UPB1: variants seen among roughly 807,000 people sequenced by gnomAD.
UPB1 encodes the protein beta-ureidopropionase.
UPB1 carries 40 observed loss-of-function variants against 49.1 expected under a neutral mutation model. The ratio of observed to expected loss-of-function variants is 0.81; its 90% CI spans 0.63 to 1.06. UPB1 has a LOEUF of 1.06. Ranked by LOEUF, UPB1 falls within the 50% of genes least tolerant of loss-of-function variation. The probability of loss-of-function intolerance (pLI) is 0.00; values close to 1 mark genes in which losing one functional copy is unlikely to be tolerated. For missense variants in UPB1, 499 were observed against 505.9 expected, an observed-to-expected ratio of 0.99 and a Z score of 0.13; for synonymous variants, 207 against 198.2, an observed-to-expected ratio of 1.04 and a Z score of -0.38.
rs2044368679 is a variant in UPB1, at chr22:24,520,449, C to T, written c.854C>T (p.Ala285Val). The T allele has an allele frequency of 6.2e-7, 1 of 1,614,006 alleles. No individual in the cohort carries two copies. The highest frequency in any genetic ancestry group is 1.7e-5 in the Admixed American group (1 of 60,002). Residue 285 changes from alanine (A) to valine (V), a missense_variant, in exon 7 of 10, where the codon GCC (alanine) becomes GTC (valine). Transcript: ENST00000326010. ...ATTGCCAATCACTGCTTCACCTGCG[C>T]CATCAATCGAGTGGGCACCGTAAGT... is the stretch of plus-strand genomic sequence containing the variant. Reference protein sequence around the residue: ...AAIANHCFTCAINRVGTEHFP... With the variant: ...AAIANHCFTCVINRVGTEHFP...
At chr22:24,502,352 AC>A in intron 3 of UPB1, 139 bp downstream of exon 3, 1 of 935,528 alleles carries the variant, frequency 1.1e-6, no homozygotes, top group Non-Finnish European at 1.8e-6. Flanking sequence ...CGTCCACATC[AC>A]CAGGAACCCC....
intron 3 of UPB1, chr22:24,503,424 ATAC>A (rs1300090559): frequency 6.6e-6 from 1 of 152,038 alleles, no homozygotes. Context: ...TTCTTGGTTT[ATAC>A]CCTTATTTTA....
rs2044490551 is a variant in UPB1 at position 24,527,413 on chromosome 22, G to GAC, written c.*1621_*1622dup. 6.6e-6 allele frequency: 1 copy of GAC among 152,072 alleles called. No individual in the cohort carries two copies. Among genetic ancestry groups the GAC allele is most frequent in the Non-Finnish European group, 1.5e-5 (1 of 68,070 alleles). 9.4% of individuals were successfully genotyped at this position (152,072 alleles called of 1,614,324 possible). On this transcript the variant is annotated 3_prime_UTR_variant, in exon 10 of 10. Transcript: ENST00000326010. ...GCTTTATGTCAAGACACTGGTAAGA[G>GAC]ACAGACTAGATGGGCCAGGGAGCCC...
In UPB1 at chr22:24,496,396, CACACACAT is replaced by C. The variant is rs1555883942; in HGVS notation, c.104+897_104+904del. On this transcript the variant is annotated intron_variant, in intron 1 of 9. Transcript: ENST00000326010. ...AAACACACACACACACACACACACA[CACACACAT>C]ACACACACACACACACACACACGTC... is the stretch of plus-strand genomic sequence containing the variant. Among the ~76,000 whole-genome samples the C allele has an allele frequency of 6.8e-3, 891 of 131,342 alleles. 10 individuals carry two copies. The highest frequency in any genetic ancestry group is 0.027 in the African/African-American group (746 of 28,072). 86.2% of individuals were successfully genotyped at this position (131,342 alleles called of 152,430 possible).
At chr22:24,521,943 A>G (rs764476463) in intron 7 of UPB1, 43 bp from the exon 8 acceptor site, 4 of 1,606,674 alleles carry the variant, frequency 2.5e-6, no homozygotes, top group Admixed American at 3.3e-5. Context: ...GTGTAGTGGT[A>G]GTGCCACCTA....
chr22:24,521,972 G>A lies in UPB1; in HGVS notation c.874-14G>A. The A allele has an allele frequency of 6.2e-7, 1 of 1,614,068 alleles. No homozygotes were observed. Among genetic ancestry groups the A allele is most frequent in the Non-Finnish European group, 8.5e-7 (1 of 1,179,972 alleles). ...CCACCTATAGGTTCCTCTTACCTTG[G>A]TCTTATTTCACAGGAGCACTTCCCG... is the stretch of plus-strand genomic sequence containing the variant. On this transcript the variant is annotated splice_polypyrimidine_tract_variant and intron_variant, in intron 7 of 9. Coordinates refer to ENST00000326010, the MANE Select transcript of UPB1 (RefSeq NM_016327.3).
In UPB1 at chr22:24,513,503, T is replaced by C; in HGVS notation, c.621+18T>C. 1.9e-6 allele frequency: 3 copies of C among 1,612,358 alleles called. No individual in the cohort carries two copies. Among genetic ancestry groups the C allele is most frequent in the Non-Finnish European group, 2.5e-6 (3 of 1,179,424 alleles). Reference sequence around the variant, plus strand: ...TCAACGAGGTGAGCCACCCATAAGATAGATAACCAGCCCTGCTCACTTGCC... The same window carrying C: ...TCAACGAGGTGAGCCACCCATAAGACAGATAACCAGCCCTGCTCACTTGCC... On this transcript the variant is annotated intron_variant, in intron 5 of 9. Transcript: ENST00000326010.
At chr22:24,519,458 T>G (rs1256728970) in intron 6 of UPB1, among the ~76,000 whole-genome samples, 1 of 152,116 alleles carries the variant, frequency 6.6e-6, no homozygotes, top group Non-Finnish European at 1.5e-5. Flanking sequence ...CCATGTCATA[T>G]CTTAGTTGGC....
At chr22:24,498,972 G>A (rs1002098461) in intron 1 of UPB1, among the ~76,000 whole-genome samples, 3 of 152,234 alleles carry the variant, frequency 2.0e-5, no homozygotes, top group Admixed American at 6.5e-5. Context: ...CTGCAGGAGC[G>A]CCCTTCCGCT....
At chr22:24,498,258 T>C (rs890591131) in intron 1 of UPB1, among the ~76,000 whole-genome samples, 5 of 152,184 alleles carry the variant, frequency 3.3e-5, no homozygotes, top group African/African-American at 1.2e-4. Context: ...TTTCAACATA[T>C]GAATTTGGGG....
In UPB1 at chr22:24,521,987, A is replaced by G; in HGVS notation, c.875A>G (p.Glu292Gly). ...FTCAINRVGT[E>G]HFPNEFTSGD... is the part of the protein sequence containing the mutation. The stretch of plus-strand genomic sequence containing the variant: ...TCTTACCTTGGTCTTATTTCACAGG[A>G]GCACTTCCCGAACGAGTTTACCTCG... The change falls in exon 8 of 10, where the codon GAG becomes GGG. Residue 292 changes from glutamate (E) to glycine (G), a missense_variant and splice_region_variant. Physicochemically the swap from Glu to Gly is moderately conservative, Grantham distance 98 (BLOSUM62 -2). Transcript: ENST00000326010. 2 of 1,614,106 alleles carry G rather than the reference A, an allele frequency of 1.2e-6. No individual in the cohort carries two copies. Among genetic ancestry groups the G allele is most frequent in the Non-Finnish European group, 1.7e-6 (2 of 1,180,002 alleles).
chr22:24,513,370 G>A lies in UPB1; in HGVS notation c.506G>A (p.Arg169Gln), dbSNP rs372357415. 81 of 1,614,054 alleles carry A rather than the reference G, an allele frequency of 5.0e-5. 1 individual carries two copies. The highest frequency in any genetic ancestry group is 6.2e-5 in the Non-Finnish European group (73 of 1,180,040). The change falls in exon 5 of 10, where the codon CGA (arginine) becomes CAA (glutamine). Residue 169 changes from arginine to glutamine, a missense_variant. Transcript: ENST00000326010. ...DMVVVSPILE[R>Q]DSEHGDVLWN... ...GTGGTGGTGTCTCCCATCCTGGAAC[G>A]AGACAGCGAGCATGGGGATGTTTTG...
chr22:24,513,500 A>C lies in UPB1; in HGVS notation c.621+15A>C. 1 of 1,612,892 alleles carries C rather than the reference A, an allele frequency of 6.2e-7. No individual in the cohort carries two copies. Among genetic ancestry groups the C allele is most frequent in the South Asian group, 1.1e-5 (1 of 90,878 alleles). On this transcript the variant is annotated intron_variant, in intron 5 of 9. Transcript: ENST00000326010. ...ATTTCAACGAGGTGAGCCACCCATA[A>C]GATAGATAACCAGCCCTGCTCACTT...
At chr22:24,510,913 G>GC in intron 4 of UPB1, 70 bp downstream of exon 4, 1 of 1,515,284 alleles carries the variant, frequency 6.6e-7, no homozygotes, top group Non-Finnish European at 9.2e-7. Flanking sequence ...GACCACAGCT[G>GC]CCGGGTTTGG....
chr22:24,516,848 C>A (rs1365517872), intron 6 of UPB1: 2 of 152,294 alleles, frequency 1.3e-5, no homozygotes, highest in African/African-American at 4.8e-5. Context: ...CCTCAGCCTC[C>A]CAAGTAGCTG....
intron 4 of UPB1, 143 bp from the exon 5 acceptor site, chr22:24,513,181 C>G: frequency 8.8e-7 from 1 of 1,139,128 alleles, no homozygotes; most frequent in Non-Finnish European, 1.3e-6. Context: ...GCATGGACAT[C>G]AGGGTATTTA....
chr22:24,520,498 A>G (rs2044370205), intron 7 of UPB1, 30 bp downstream of exon 7: 1 of 1,610,634 alleles, frequency 6.2e-7, no homozygotes, highest in Admixed American at 1.7e-5. Flanking sequence ...TGGGGAGAGG[A>G]GCCACCACCT....
intron 6 of UPB1, among the ~76,000 whole-genome samples, chr22:24,516,914 T>C (rs1033871978): frequency 7.9e-5 from 12 of 152,208 alleles, no homozygotes; most frequent in African/African-American, 1.4e-4. Flanking sequence ...TTCGTAGAGA[T>C]GGGGTTTCAC....
At chr22:24,497,005 A>G (rs3788369) in intron 1 of UPB1, among the ~76,000 whole-genome samples, 5,608 of 152,214 alleles carry the variant, frequency 0.037, 187 homozygotes, top group South Asian at 0.11. Flanking sequence ...ACATGGACAT[A>G]TGTGGAACAC....
Sources: gnomAD v4.1 joint callset for allele counts (sites outside exome capture counted in the v4.1 genomes callset) on GRCh38, gnomAD v4.1.1 for gene constraint, MANE v1.5 for transcripts, NCBI Gene and HGNC (gene_info 2026-07-23, HGNC 2026-07-21) for gene names.